MEGF10: variants seen among roughly 807,000 people sequenced by gnomAD.
MEGF10 encodes multiple epidermal growth factor-like domains protein 10.
Under a neutral mutation model 147.5 loss-of-function variants are expected in MEGF10, and 86 were observed. The ratio of observed to expected loss-of-function variants is 0.58; its 90% CI spans 0.49 to 0.70. The LOEUF (loss-of-function observed/expected upper bound fraction) is 0.70, where lower values mean the gene tolerates loss of function less well. Ranked by LOEUF, MEGF10 falls within the 30% of genes least tolerant of loss-of-function variation. The pLI, the probability that MEGF10 is intolerant of heterozygous loss-of-function variation, is 0.00. For missense variants in MEGF10, 1,329 were observed against 1,487.3 expected, an observed-to-expected ratio of 0.89 and a Z score of 1.75; for synonymous variants, 478 against 525.5, an observed-to-expected ratio of 0.91 and a Z score of 1.24.
intron 18 of MEGF10, among the ~76,000 whole-genome samples, chr5:127,441,326 C>T (rs1045162391): frequency 6.6e-6 from 1 of 152,304 alleles, no homozygotes; most frequent in Middle Eastern, 3.4e-3. Context: ...ACATTGCCAC[C>T]CTTTCAACAA....
intron 5 of MEGF10, among the ~76,000 whole-genome samples, chr5:127,371,997 T>G (rs565630262): frequency 6.6e-6 from 1 of 152,226 alleles, no homozygotes; most frequent in Non-Finnish European, 1.5e-5. Flanking sequence ...GGTCTTGCTA[T>G]CTGGGTTTTG....
chr5:127,270,591 TAG>T, the MEGF10 span, among the ~76,000 whole-genome samples: 21 of 152,274 alleles, frequency 1.4e-4, no homozygotes, highest in African/African-American at 4.3e-4. Flanking sequence ...AGCAAGTCCT[TAG>T]AGACTTACAA....
chr5:127,346,505 TCTTTTGAGA>T (rs1476793640), intron 4 of MEGF10, among the ~76,000 whole-genome samples: 3 of 152,232 alleles, frequency 2.0e-5, no homozygotes, highest in Non-Finnish European at 2.9e-5. Context: ...TTATATATCT[TCTTTTGAGA>T]ATTGTCTATT....
At chr5:127,373,557 C>T (rs959273965) in intron 5 of MEGF10, among the ~76,000 whole-genome samples, 1 of 152,034 alleles carries the variant, frequency 6.6e-6, no homozygotes, top group South Asian at 2.1e-4. Flanking sequence ...CTACTGCAGC[C>T]CTAAAATGAA....
intron 1 of MEGF10, among the ~76,000 whole-genome samples, chr5:127,305,341 A>G (rs1434764244): frequency 1.3e-5 from 2 of 152,300 alleles, no homozygotes; most frequent in Admixed American, 6.5e-5. Flanking sequence ...CTGTGTGTTC[A>G]TAGGATGCAC....
intron 1 of MEGF10, among the ~76,000 whole-genome samples, chr5:127,320,389 G>T (rs1176004659): frequency 6.6e-6 from 1 of 152,284 alleles, no homozygotes; most frequent in South Asian, 2.1e-4. Context: ...AATGACACTC[G>T]ATTTCCTAAC....
rs778533127 is a variant in MEGF10, at chr5:127,422,741, G to T, written c.1662G>T (p.Thr554=). Residue 554 remains threonine (T), a synonymous_variant, in exon 13 of 25, where the codon ACG becomes ACT. Transcript: ENST00000503335. ...ACGCAGATGGCTGCCACCCTACCAC[G>T]GGCCATTGCCGCTGCCTCCCCGGAT... ...CSHADGCHPT[T]GHCRCLPGWS... 1.2e-6 allele frequency: 2 copies of T among 1,614,048 alleles called. No individual in the cohort carries two copies. Among genetic ancestry groups the T allele is most frequent in the East Asian group, 4.5e-5 (2 of 44,870 alleles).
chr5:127,247,317 A>AGAGAAGAAGAAGAAGAAGAAG, the MEGF10 span, among the ~76,000 whole-genome samples: 2 of 103,088 alleles, frequency 1.9e-5, no homozygotes, highest in East Asian at 5.0e-4. Flanking sequence ...AGAGAAAGAG[A>AGAGAAGAAGAAGAAGAAGAAG]GAGAAGAAGA....
At chr5:127,402,706 C>A in intron 8 of MEGF10, 24 bp downstream of exon 8, 1 of 1,612,544 alleles carries the variant, frequency 6.2e-7, no homozygotes, top group Non-Finnish European at 8.5e-7. Context: ...TTGTATTTCT[C>A]TGACTGTTTA....
At chr5:127,362,616 A>G (rs796360045) in intron 4 of MEGF10, among the ~76,000 whole-genome samples, 90 of 152,110 alleles carry the variant, frequency 5.9e-4, no homozygotes, top group African/African-American at 2.1e-3. Context: ...CGCCCGCCTC[A>G]GCCTCCCAAA....
intron 4 of MEGF10, among the ~76,000 whole-genome samples, chr5:127,341,757 C>T (rs909616072): frequency 2.0e-5 from 3 of 152,090 alleles, no homozygotes; most frequent in Non-Finnish European, 4.4e-5. Flanking sequence ...TTTTCCTGGT[C>T]AGTAATTATA....
chr5:127,333,300 G>C (rs1323831038), intron 2 of MEGF10, among the ~76,000 whole-genome samples: 1 of 152,084 alleles, frequency 6.6e-6, no homozygotes, highest in Non-Finnish European at 1.5e-5. Flanking sequence ...TAGATCACTT[G>C]AGGCCAGGAT....
chr5:127,277,171 A>G, the MEGF10 span, among the ~76,000 whole-genome samples: 1 of 152,170 alleles, frequency 6.6e-6, no homozygotes, highest in Non-Finnish European at 1.5e-5. Flanking sequence ...GGACCAAGGC[A>G]CTCATTTCCC....
chr5:127,442,000 G>T (rs1274187068), intron 18 of MEGF10, among the ~76,000 whole-genome samples: 16 of 152,200 alleles, frequency 1.1e-4, no homozygotes, highest in Admixed American at 1.0e-3. Context: ...CATGAAAACA[G>T]ATCCTGACTG....
intron 1 of MEGF10, among the ~76,000 whole-genome samples, chr5:127,322,959 CATACAATGTGTGTATATAT>C (rs957252134): frequency 3.3e-5 from 5 of 151,946 alleles, no homozygotes; most frequent in Admixed American, 2.6e-4. Context: ...TGTGTATACA[CATACAATGTGTGTATATAT>C]ATATACATAC....
the MEGF10 span, among the ~76,000 whole-genome samples, chr5:127,234,383 T>C: frequency 6.6e-6 from 1 of 152,238 alleles, no homozygotes; most frequent in Non-Finnish European, 1.5e-5. Flanking sequence ...GCTAGGCACA[T>C]TGCCACTGAG....
chr5:127,428,976 A>C (rs1363839656), intron 13 of MEGF10, among the ~76,000 whole-genome samples: 1 of 152,216 alleles, frequency 6.6e-6, no homozygotes, highest in Admixed American at 6.5e-5. Context: ...TTGCCTAGCA[A>C]CTTGTGGAGG....
intron 8 of MEGF10, among the ~76,000 whole-genome samples, chr5:127,403,871 C>G (rs1258757547): frequency 6.6e-6 from 1 of 152,184 alleles, no homozygotes; most frequent in Non-Finnish European, 1.5e-5. Context: ...GCTTCCAAAT[C>G]TTAGCTATTG....
chr5:127,261,724 A>G, the MEGF10 span, among the ~76,000 whole-genome samples: 1 of 152,172 alleles, frequency 6.6e-6, no homozygotes. Context: ...CCAGCAATAT[A>G]TGAAGGTTCC....
Sources: gnomAD v4.1 joint callset for allele counts (sites outside exome capture counted in the v4.1 genomes callset) on GRCh38, gnomAD v4.1.1 for gene constraint, MANE v1.5 for transcripts, NCBI Gene and HGNC (gene_info 2026-07-23, HGNC 2026-07-21) for gene names.